The following CAST variants were observed in gnomAD, a reference collection of about 807,000 sequenced individuals.
The protein encoded by CAST is calpastatin.
Under a neutral mutation model 119.6 loss-of-function variants are expected in CAST, and 76 were observed. The observed-to-expected ratio is 0.64, with a 90% confidence interval of 0.53 to 0.77. CAST has a LOEUF of 0.77. Among genes scored for constraint, CAST ranks in the 30% least tolerant of loss-of-function variants. The probability of loss-of-function intolerance (pLI) is 0.00; values close to 1 mark genes in which losing one functional copy is unlikely to be tolerated. For missense variants in CAST, 953 were observed against 946.5 expected (o/e 1.01, Z -0.09); for synonymous variants, 319 against 331.6 (o/e 0.96, Z 0.41).
chr5:96,430,395 G>T, the CAST span, among the ~76,000 whole-genome samples: 10 of 152,180 alleles, frequency 6.6e-5, no homozygotes, highest in Non-Finnish European at 2.9e-5. Context: ...ATCGCCCAGA[G>T]AATTTTAAAA....
the CAST span, among the ~76,000 whole-genome samples, chr5:96,048,896 A>G: frequency 9.9e-5 from 15 of 152,204 alleles, no homozygotes. Context: ...CTGGAGAAGA[A>G]TATACACCAC....
chr5:96,171,025 C>T, the CAST span, among the ~76,000 whole-genome samples: 2 of 151,878 alleles, frequency 1.3e-5, no homozygotes, highest in Admixed American at 6.6e-5. Flanking sequence ...GGAGACTCCG[C>T]GACGCTTGGG....
chr5:96,768,472 C>T (rs1352155634), intron 29 of CAST: 2 of 433,690 alleles, frequency 4.6e-6, no homozygotes, highest in South Asian at 3.4e-5. Flanking sequence ...AATTCCACTG[C>T]CCCCAAAACA....
In CAST at chr5:96,722,688, C is replaced by A. The variant is rs75268199; in HGVS notation, c.260C>A (p.Thr87Lys). The change falls in exon 4 of 32, where the codon ACA becomes AAA. Residue 87 changes from threonine to lysine, a missense_variant. Thr to Lys is a moderately conservative substitution (Grantham distance 78). Transcript: ENST00000675179. ...ATSKSSSMNP[T>K]ETKAIPVSQQ... Reference sequence around the variant, plus strand: ...AGCAAGTCTTCCAGTATGAATCCCACAGAAACCAAGGTATGAAGAATGCTA... The same window carrying A: ...AGCAAGTCTTCCAGTATGAATCCCAAAGAAACCAAGGTATGAAGAATGCTA... The A allele has an allele frequency of 4.3e-5, 70 of 1,611,232 alleles. No homozygotes were observed. The African/African-American group carries it at 8.9e-4, about 21-fold the overall frequency.
the CAST span, among the ~76,000 whole-genome samples, chr5:96,299,814 T>C: frequency 8.5e-5 from 13 of 152,318 alleles, no homozygotes; most frequent in East Asian, 2.3e-3. Context: ...TGTATATATC[T>C]TTGAGGTACA....
intron 1 of CAST, among the ~76,000 whole-genome samples, chr5:96,599,695 C>A (rs895291769): frequency 1.3e-5 from 2 of 152,042 alleles, no homozygotes; most frequent in South Asian, 2.1e-4. Context: ...AATCCACCCC[C>A]CTCCATAGGC....
chr5:96,376,143 G>T, the CAST span, among the ~76,000 whole-genome samples: 17 of 149,768 alleles, frequency 1.1e-4, no homozygotes, highest in African/African-American at 4.2e-4. Context: ...GTCATATAAT[G>T]CATAACAACA....
chr5:95,973,915 C>T, the CAST span, among the ~76,000 whole-genome samples: 1,000 of 152,130 alleles, frequency 6.6e-3, 6 homozygotes, highest in Non-Finnish European at 0.012. Context: ...TTCTTGTAGC[C>T]TTTCCCTGTG....
intron 22 of CAST, among the ~76,000 whole-genome samples, chr5:96,756,509 C>T (rs1371331977): frequency 2.0e-5 from 3 of 152,326 alleles, no homozygotes; most frequent in Middle Eastern, 3.4e-3. Context: ...TGCCTCGTAT[C>T]TGTTGAGCAG....
the CAST span, among the ~76,000 whole-genome samples, chr5:95,975,471 G>A: frequency 6.6e-6 from 1 of 152,128 alleles, no homozygotes; most frequent in Non-Finnish European, 1.5e-5. Context: ...TCAAAAGGTT[G>A]CAAAATTCTC....
the CAST span, among the ~76,000 whole-genome samples, chr5:96,279,146 A>G: frequency 1.3e-5 from 2 of 152,194 alleles, no homozygotes; most frequent in African/African-American, 2.4e-5. Context: ...CAGCCAAATG[A>G]GGATCTCTGC....
At chr5:96,477,338 T>C in the CAST span, among the ~76,000 whole-genome samples, 1 of 151,752 alleles carries the variant, frequency 6.6e-6, no homozygotes, top group East Asian at 1.9e-4. Context: ...AGCTGGGGCA[T>C]TTCTGGTCTC....
At chr5:96,607,494 T>A (rs1747281488) in intron 1 of CAST, among the ~76,000 whole-genome samples, 1 of 152,206 alleles carries the variant, frequency 6.6e-6, no homozygotes, top group Non-Finnish European at 1.5e-5. Flanking sequence ...CAGAAGGAAA[T>A]CGAATATCAT....
chr5:96,724,852 TAA>T (rs1339988471), intron 4 of CAST, among the ~76,000 whole-genome samples: 1 of 137,782 alleles, frequency 7.3e-6, no homozygotes, highest in Non-Finnish European at 1.6e-5. Flanking sequence ...AATAAATAAA[TAA>T]TCTCATTGAA....
chr5:96,442,572 G>A, the CAST span, among the ~76,000 whole-genome samples: 480 of 152,350 alleles, frequency 3.2e-3, 5 homozygotes, highest in South Asian at 0.02. Context: ...AATGCCCAAC[G>A]TATTGTAGGA....
Position 96,765,492 on chromosome 5 carries a change from G to T in CAST, c.2037+167G>T, listed in dbSNP as rs571218158. Among the ~76,000 whole-genome samples, 6 of 152,272 alleles carry T rather than the reference G, an allele frequency of 3.9e-5. No homozygotes were observed. The South Asian group carries it at 1.2e-3, about 32-fold the overall frequency. On this transcript the variant is annotated intron_variant, in intron 26 of 31. Coordinates refer to ENST00000675179, the MANE Select transcript of CAST (RefSeq NM_001750.7). ...CAATCTGTACTCCACTGGAGGGGAAGGTCACTGAATCTGTGACAGAGATAC... is the reference window on the plus strand; with the variant it reads ...CAATCTGTACTCCACTGGAGGGGAATGTCACTGAATCTGTGACAGAGATAC...
At chr5:96,619,767 G>A (rs1007997634) in intron 1 of CAST, among the ~76,000 whole-genome samples, 3 of 152,084 alleles carry the variant, frequency 2.0e-5, no homozygotes, top group Non-Finnish European at 4.4e-5. Flanking sequence ...GCGAGGGTCC[G>A]TGGCTTCATT....
the CAST span, among the ~76,000 whole-genome samples, chr5:96,127,542 ATC>A: frequency 6.6e-6 from 1 of 152,090 alleles, no homozygotes; most frequent in Non-Finnish European, 1.5e-5. Context: ...GTTTGTTTTC[ATC>A]TGTCCTTGAT....
the CAST span, among the ~76,000 whole-genome samples, chr5:96,315,265 T>C: frequency 6.6e-6 from 1 of 152,234 alleles, no homozygotes; most frequent in Admixed American, 6.5e-5. Context: ...CTTATAATAA[T>C]AAAAAAGTTT....
Sources: allele counts gnomAD v4.1 joint callset (sites outside exome capture counted in the v4.1 genomes callset), GRCh38; gene constraint gnomAD v4.1.1; transcripts MANE v1.5; gene names NCBI Gene and HGNC (gene_info 2026-07-23, HGNC 2026-07-21).